Variants in ADGRG7 observed in about 807,000 individuals in gnomAD.
ADGRG7 encodes the protein adhesion G protein-coupled receptor G7.
A neutral mutation model predicts 88.6 loss-of-function variants in ADGRG7; 82 were observed. The observed-to-expected ratio is 0.93, with a 90% CI of 0.77 to 1.11. The LOEUF (loss-of-function observed/expected upper bound fraction) is 1.11, where lower values mean the gene tolerates loss of function less well. Ranked by LOEUF, ADGRG7 falls within the 50% of genes most tolerant of loss-of-function variation. The probability of loss-of-function intolerance (pLI) is 0.00; values close to 1 mark genes in which losing one functional copy is unlikely to be tolerated. For synonymous variants in ADGRG7, 381 were observed against 345.2 expected (o/e 1.10, Z -1.15); for missense variants, 945 against 953.4 (o/e 0.99, Z 0.12).
At chr3:100,626,455 C>A (rs116774509) in intron 1 of ADGRG7, among the ~76,000 whole-genome samples, 2,497 of 152,240 alleles carry the variant, frequency 0.016, 72 homozygotes, top group African/African-American at 0.057. Flanking sequence ...TCCATCCATA[C>A]AAGGTATATA....
Position 100,674,579 on chromosome 3 carries a change from CTTTT to C in ADGRG7, c.2136+5487_2136+5490del, listed in dbSNP as rs34582443. Among the ~76,000 whole-genome samples the C allele has an allele frequency of 7.0e-5, 9 of 128,780 alleles. No individual in the cohort carries two copies. In the South Asian group the frequency reaches 1.2e-3, roughly 17 times the overall value. 84.5% of individuals were successfully genotyped at this position (128,780 alleles called of 152,430 possible). On this transcript the variant is annotated intron_variant, in intron 15 of 15. Transcript: ENST00000273352. Reference sequence around the variant, plus strand: ...GTAAATAGGATTGCTTTCTTAATTCCTTTTTTTTTTTTTTTTGAGACAGAGTCTC... The same window carrying C: ...GTAAATAGGATTGCTTTCTTAATTCCTTTTTTTTTTTTGAGACAGAGTCTC...
intron 13 of ADGRG7, 123 bp downstream of exon 13, chr3:100,656,118 A>G (rs1213821653): frequency 1.1e-5 from 6 of 535,208 alleles, no homozygotes; most frequent in African/African-American, 1.1e-4. Flanking sequence ...TTAGTGGTAG[A>G]CATTTGAAAT....
chr3:100,621,653 T>C (rs999692301), intron 1 of ADGRG7, among the ~76,000 whole-genome samples: 3 of 152,192 alleles, frequency 2.0e-5, no homozygotes, highest in Admixed American at 6.5e-5. Context: ...CTCCATAACA[T>C]AAAAGTGCAA....
intron 14 of ADGRG7, among the ~76,000 whole-genome samples, chr3:100,666,967 G>GT (rs1184833606): frequency 3.9e-5 from 6 of 152,118 alleles, no homozygotes; most frequent in Non-Finnish European, 8.8e-5. Flanking sequence ...GGGGTTGGGG[G>GT]TAAGGTCATA....
intron 6 of ADGRG7, among the ~76,000 whole-genome samples, chr3:100,642,961 A>G (rs1707670420): frequency 6.6e-6 from 1 of 152,356 alleles, no homozygotes; most frequent in Middle Eastern, 3.4e-3. Flanking sequence ...CCATCCTTCT[A>G]TGTGAAGAGC....
At chr3:100,626,567 G>A (rs1707383412) in intron 1 of ADGRG7, among the ~76,000 whole-genome samples, 2 of 152,060 alleles carry the variant, frequency 1.3e-5, no homozygotes, top group Admixed American at 6.5e-5. Context: ...TGGGCGGATC[G>A]TGAGGTCAGG....
intron 1 of ADGRG7, among the ~76,000 whole-genome samples, chr3:100,628,565 A>C (rs1199257309): frequency 6.6e-6 from 1 of 152,142 alleles, no homozygotes; most frequent in Non-Finnish European, 1.5e-5. Context: ...CATATTGCTC[A>C]GGCTGGTCTC....
At chr3:100,682,846 T>C (rs2094975825) in intron 15 of ADGRG7, among the ~76,000 whole-genome samples, 1 of 152,122 alleles carries the variant, frequency 6.6e-6, no homozygotes. Flanking sequence ...CTGGGTGCAG[T>C]TGCAGTTGCC....
At chr3:100,629,864 T>C (rs949537114) in intron 2 of ADGRG7, among the ~76,000 whole-genome samples, 153 bp downstream of exon 2, 2 of 152,150 alleles carry the variant, frequency 1.3e-5, no homozygotes, top group African/African-American at 4.8e-5. Flanking sequence ...AGCTCAATAG[T>C]AAAAGCTGAG....
Position 100,646,623 on chromosome 3 carries a change from T to C in ADGRG7, c.1165T>C (p.Ser389Pro). 1.9e-6 allele frequency: 3 copies of C among 1,614,146 alleles called. No homozygotes were observed. The highest frequency in any genetic ancestry group is 2.5e-6 in the Non-Finnish European group (3 of 1,179,950). ...YSYACVYWNL[S>P]AKDWDTYGCQ... ...CTATGCCTGTGTCTATTGGAATTTG[T>C]CAGCGAAGGACTGGGACACATATGG... Residue 389 changes from serine (S) to proline (P), a missense_variant, in exon 10 of 16, where the codon TCA becomes CCA. Transcript: ENST00000273352.
intron 2 of ADGRG7, among the ~76,000 whole-genome samples, chr3:100,630,177 G>C (rs1196055274): frequency 6.6e-6 from 1 of 151,792 alleles, no homozygotes; most frequent in Non-Finnish European, 1.5e-5. Flanking sequence ...TTAGTGGTTT[G>C]ATTTCAATCA....
At chr3:100,673,975 G>A (rs2094961808) in intron 15 of ADGRG7, among the ~76,000 whole-genome samples, 1 of 152,056 alleles carries the variant, frequency 6.6e-6, no homozygotes, top group African/African-American at 2.4e-5. Context: ...TAATTTTGAT[G>A]TTACAGTGTC....
chr3:100,615,463 G>A (rs561092965), intron 1 of ADGRG7, among the ~76,000 whole-genome samples: 51 of 152,248 alleles, frequency 3.3e-4, no homozygotes, highest in African/African-American at 1.2e-3. Flanking sequence ...GTTCAACTTG[G>A]ACTAGATATC....
intron 4 of ADGRG7, 28 bp from the exon 5 acceptor site, chr3:100,635,649 A>AG: frequency 6.2e-7 from 1 of 1,605,788 alleles, no homozygotes; most frequent in African/African-American, 1.3e-5. Context: ...GTGTAAAGCT[A>AG]GGGTTTTTTT....
chr3:100,654,916 T>C lies in ADGRG7; in HGVS notation c.1461T>C (p.Phe487=), dbSNP rs1476530196. The change falls in exon 12 of 16, where the codon TTT becomes TTC. Residue 487 remains phenylalanine, a synonymous_variant. Transcript: ENST00000273352. ...SMLIFNLLFV[F]GIENSNKNLQ... The stretch of plus-strand genomic sequence containing the variant: ...TGATTTTCAACCTCCTCTTTGTGTT[T>C]GGAATTGAAAACTCCAATAAGAACT... 6.2e-7 allele frequency: 1 copy of C among 1,614,176 alleles called. No homozygotes were observed. The highest frequency in any genetic ancestry group is 8.5e-7 in the Non-Finnish European group (1 of 1,180,006).
intron 5 of ADGRG7, among the ~76,000 whole-genome samples, chr3:100,637,076 A>T (rs547048734): frequency 4.0e-4 from 61 of 151,800 alleles, no homozygotes; most frequent in African/African-American, 1.5e-3. Flanking sequence ...AGGGACTTAA[A>T]CCTCCTAATT....
At chr3:100,693,456 G>A (rs948415807) in intron 15 of ADGRG7, among the ~76,000 whole-genome samples, 3 of 152,106 alleles carry the variant, frequency 2.0e-5, no homozygotes, top group African/African-American at 7.2e-5. Flanking sequence ...TAATAATCAA[G>A]CTACTTTTTC....
chr3:100,663,946 G>A (rs1327065547), intron 14 of ADGRG7, among the ~76,000 whole-genome samples: 3 of 152,072 alleles, frequency 2.0e-5, no homozygotes, highest in Non-Finnish European at 2.9e-5. Context: ...GATATAAGAC[G>A]TGATATTGAT....
At chr3:100,638,284 T>C (rs1707579829) in intron 6 of ADGRG7, among the ~76,000 whole-genome samples, 1 of 152,154 alleles carries the variant, frequency 6.6e-6, no homozygotes, top group Admixed American at 6.5e-5. Flanking sequence ...GAGAATTTTA[T>C]TAAGTGATGA....
Sources: gnomAD v4.1 joint callset for allele counts (sites outside exome capture counted in the v4.1 genomes callset) on GRCh38, gnomAD v4.1.1 for gene constraint, MANE v1.5 for transcripts, NCBI Gene and HGNC (gene_info 2026-07-23, HGNC 2026-07-21) for gene names.